The following CTNNA1 variants were observed in gnomAD, a reference collection of about 807,000 sequenced individuals.
CTNNA1 encodes the protein catenin alpha 1.
In CTNNA1, 37 loss-of-function variants were observed where a neutral mutation model predicts 98.4. The ratio of observed to expected loss-of-function variants is 0.38; its 90% CI spans 0.29 to 0.49. The LOEUF (loss-of-function observed/expected upper bound fraction) is 0.49. Among genes scored for constraint, CTNNA1 ranks in the 20% least tolerant of loss-of-function variants. The pLI is 0.95. For missense variants in CTNNA1, 761 were observed against 1,147.2 expected, an observed-to-expected ratio of 0.66 and a Z score of 4.86; for synonymous variants, 404 against 413.2, an observed-to-expected ratio of 0.98 and a Z score of 0.27.
At chr5:138,830,359 C>G (rs1359703987) in intron 7 of CTNNA1, among the ~76,000 whole-genome samples, 1 of 152,182 alleles carries the variant, frequency 6.6e-6, no homozygotes, top group African/African-American at 2.4e-5. Context: ...GAGATTCTGT[C>G]TCAAAAACAA....
At chr5:138,931,919 T>G (rs1765440097) in intron 16 of CTNNA1, 1 of 985,386 alleles carries the variant, frequency 1.0e-6, no homozygotes, top group Non-Finnish European at 1.2e-6. Context: ...TGTTTCTCCC[T>G]TTGGGTAAAG....
intron 9 of CTNNA1, among the ~76,000 whole-genome samples, chr5:138,903,946 G>T (rs958453865): frequency 2.6e-5 from 4 of 152,100 alleles, no homozygotes; most frequent in African/African-American, 9.7e-5. Context: ...CTTCCTTCAA[G>T]AACACTGCAA....
chr5:138,817,673 T>G (rs564239068), intron 5 of CTNNA1, among the ~76,000 whole-genome samples: 28 of 152,298 alleles, frequency 1.8e-4, no homozygotes, highest in Middle Eastern at 6.8e-3. Context: ...GTTCTGAGAT[T>G]TTCTTTTTCT....
chr5:138,839,801 A>T (rs1235809219), intron 7 of CTNNA1, among the ~76,000 whole-genome samples: 1 of 152,212 alleles, frequency 6.6e-6, no homozygotes, highest in Non-Finnish European at 1.5e-5. Flanking sequence ...TGTTTTCAAA[A>T]CTGAGTCTGA....
chr5:138,861,475 A>G lies in CTNNA1; in HGVS notation c.1063-24737A>G, dbSNP rs777701292. ...TCCCAGCTTTCTTGTGGCCAATTCTATGGAATCCCAAGAAAACTGGAATGA... is the reference window on the plus strand; with the variant it reads ...TCCCAGCTTTCTTGTGGCCAATTCTGTGGAATCCCAAGAAAACTGGAATGA... On this transcript the variant is annotated intron_variant, in intron 7 of 17. Transcript: ENST00000302763. Among the ~76,000 whole-genome samples the G allele has an allele frequency of 2.8e-4, 43 of 152,200 alleles. 1 individual carries two copies. The highest frequency in any genetic ancestry group is 2.1e-4 in the South Asian group (1 of 4,826).
At chr5:138,784,789 C>G (rs768928484) in intron 3 of CTNNA1, among the ~76,000 whole-genome samples, 2 of 152,152 alleles carry the variant, frequency 1.3e-5, no homozygotes, top group Non-Finnish European at 2.9e-5. Flanking sequence ...CAATTCTTAG[C>G]ATTCCTTGGC....
chr5:138,800,727 T>G lies in CTNNA1; in HGVS notation c.302-9311T>G, dbSNP rs571820901. Among the ~76,000 whole-genome samples the G allele has an allele frequency of 9.3e-4, 142 of 152,062 alleles. 1 individual carries two copies. The highest frequency in any genetic ancestry group is 3.3e-3 in the African/African-American group (136 of 41,474). ...CTGAGGCAGGAGAATCACTTGAACC[T>G]GGGAGACGGAGGTTGCAGTGAGCTG... On this transcript the variant is annotated intron_variant, in intron 3 of 17. Coordinates refer to ENST00000302763, the MANE Select transcript of CTNNA1 (RefSeq NM_001903.5).
At chr5:138,827,877 T>C (rs1023743451) in intron 7 of CTNNA1, 159 bp downstream of exon 7, 9 of 806,388 alleles carry the variant, frequency 1.1e-5, no homozygotes, top group African/African-American at 3.5e-5. Flanking sequence ...GATAAATGGC[T>C]AAGTGGCTCT....
chr5:138,786,280 C>G (rs1755697962), intron 3 of CTNNA1, among the ~76,000 whole-genome samples: 1 of 152,138 alleles, frequency 6.6e-6, no homozygotes, highest in African/African-American at 2.4e-5. Context: ...TTTCTCTTGG[C>G]TTACTTTTTT....
intron 2 of CTNNA1, 155 bp downstream of exon 2, chr5:138,782,184 T>C: frequency 2.7e-6 from 2 of 743,210 alleles, no homozygotes; most frequent in Non-Finnish European, 4.4e-6. Flanking sequence ...GATGCATGGG[T>C]TTAGTTAACC....
At chr5:138,798,554 T>A (rs908974225) in intron 3 of CTNNA1, among the ~76,000 whole-genome samples, 5 of 152,216 alleles carry the variant, frequency 3.3e-5, no homozygotes, top group African/African-American at 1.2e-4. Context: ...CTTTATAAAG[T>A]TTGGTTGCTT....
chr5:138,916,386 G>GT lies in CTNNA1; in HGVS notation c.1390-1350dup, dbSNP rs201674024. Among the ~76,000 whole-genome samples the GT allele has an allele frequency of 3.3e-4, 50 of 149,484 alleles. 2 individuals carry two copies. In the East Asian group the frequency reaches 9.0e-3, roughly 27 times the overall value. The stretch of plus-strand genomic sequence containing the variant: ...AGGTGAATTTTATCTCAATAAAGCT[G>GT]TTTTTTGTCTTTTTTTTTTTTTTTG... On this transcript the variant is annotated intron_variant, in intron 10 of 17. Transcript: ENST00000302763.
chr5:138,869,538 T>C (rs1444840426), intron 7 of CTNNA1: 1 of 152,218 alleles, frequency 6.6e-6, no homozygotes, highest in African/African-American at 2.4e-5. Flanking sequence ...TATATTGATA[T>C]CCACACTTCA....
rs561199613 is a variant in CTNNA1 at position 138,783,624 on chromosome 5, G to C, written c.301+252G>C. On this transcript the variant is annotated intron_variant, in intron 3 of 17. Transcript: ENST00000302763. ...CTGGCTCATTTTAATCATGAGAGAT[G>C]CTTGCAGAGGGACATCTGGAGAATC... Among the ~76,000 whole-genome samples the C allele has an allele frequency of 2.6e-5, 4 of 152,316 alleles. No individual in the cohort carries two copies. In the South Asian group the frequency reaches 8.3e-4, roughly 32 times the overall value.
intron 7 of CTNNA1, among the ~76,000 whole-genome samples, chr5:138,884,042 CAAG>C (rs749279417): frequency 2.6e-5 from 4 of 152,216 alleles, no homozygotes; most frequent in Non-Finnish European, 5.9e-5. Flanking sequence ...GGCACAGTCT[CAAG>C]AACATATTCC....
chr5:138,804,008 A>G (rs887670396), intron 3 of CTNNA1, among the ~76,000 whole-genome samples: 1 of 152,240 alleles, frequency 6.6e-6, no homozygotes, highest in Non-Finnish European at 1.5e-5. Context: ...GATGAAACAC[A>G]ATGAAGACCT....
At chr5:138,811,879 G>C (rs550773843) in intron 4 of CTNNA1, 83 of 267,574 alleles carry the variant, frequency 3.1e-4, no homozygotes, top group Admixed American at 5.9e-4. Flanking sequence ...GTACAGTCCA[G>C]CTTCAGCTCG....
intron 3 of CTNNA1, among the ~76,000 whole-genome samples, chr5:138,792,499 TTAAGTAG>T (rs1194377205): frequency 1.3e-4 from 20 of 152,324 alleles, no homozygotes; most frequent in Admixed American, 1.2e-3. Flanking sequence ...AGTGACTGTT[TTAAGTAG>T]AGTTTGAGAC....
At chr5:138,777,485 A>G (rs561031083) in intron 1 of CTNNA1, among the ~76,000 whole-genome samples, 59 of 149,692 alleles carry the variant, frequency 3.9e-4, no homozygotes, top group African/African-American at 1.4e-3. Flanking sequence ...CAATCTCGGC[A>G]CTTTGGGAGG....
Sources: allele counts gnomAD v4.1 joint callset (sites outside exome capture counted in the v4.1 genomes callset), GRCh38; gene constraint gnomAD v4.1.1; transcripts MANE v1.5; gene names NCBI Gene and HGNC (gene_info 2026-07-23, HGNC 2026-07-21).